Variants in USP42 observed in about 807,000 individuals in gnomAD.
The protein encoded by USP42 is ubiquitin carboxyl-terminal hydrolase 42.
USP42 carries 23 observed loss-of-function variants against 113.0 expected under a neutral mutation model. The ratio of observed to expected loss-of-function variants is 0.20; its 90% CI spans 0.15 to 0.29. The LOEUF (loss-of-function observed/expected upper bound fraction) is 0.29. Ranked by LOEUF, USP42 falls within the 10% of genes least tolerant of loss-of-function variation. USP42 has a pLI of 1.00. For synonymous variants in USP42, 933 were observed against 699.0 expected, an observed-to-expected ratio of 1.33 and a Z score of -5.28; for missense variants, 2,174 against 1,779.8, an observed-to-expected ratio of 1.22 and a Z score of -3.99.
At position 6,141,343 on chromosome 7, in the gene USP42, TA is replaced by T. The variant is rs1453783810; in HGVS notation, c.795+360del. Among the ~76,000 whole-genome samples the T allele has an allele frequency of 2.7e-5, 4 of 150,548 alleles. No homozygotes were observed. In the East Asian group the frequency reaches 7.9e-4, roughly 30 times the overall value. ...TCAGCCTCCCGAGTAGGTGGGACTATAGGTGCATGTGCCACCATGCCCAGCT... is the reference window on the plus strand; with the variant it reads ...TCAGCCTCCCGAGTAGGTGGGACTATGGTGCATGTGCCACCATGCCCAGCT... On this transcript the variant is annotated intron_variant, in intron 7 of 17. Coordinates refer to ENST00000306177, the MANE Select transcript of USP42 (RefSeq NM_032172.3).
chr7:6,092,037 TC>T, the USP42 span, among the ~76,000 whole-genome samples: 25 of 112,140 alleles, frequency 2.2e-4, no homozygotes, highest in South Asian at 2.9e-4. Context: ...TTCTTCTTCT[TC>T]TTCTTCTTCT....
intron 1 of USP42, among the ~76,000 whole-genome samples, chr7:6,108,418 G>A (rs1270706779): frequency 1.3e-5 from 2 of 152,110 alleles, no homozygotes; most frequent in Admixed American, 1.3e-4. Context: ...AGCCAGTTTG[G>A]AAAGTACATG....
At chr7:6,128,527 T>A (rs772518846) in intron 3 of USP42, among the ~76,000 whole-genome samples, 3 of 152,198 alleles carry the variant, frequency 2.0e-5, no homozygotes, top group Non-Finnish European at 4.4e-5. Flanking sequence ...GAAGTGAGTT[T>A]TTCTGTAAAC....
chr7:6,145,923 A>G (rs1471978248), intron 10 of USP42, among the ~76,000 whole-genome samples: 1 of 152,044 alleles, frequency 6.6e-6, no homozygotes, highest in African/African-American at 2.4e-5. Context: ...TACAAAAATT[A>G]TCTGCGTGTG....
At chr7:6,105,301 C>T (rs1449755804) in intron 1 of USP42, among the ~76,000 whole-genome samples, 5 of 147,178 alleles carry the variant, frequency 3.4e-5, no homozygotes, top group East Asian at 3.9e-4. Context: ...AGCCGGGCTG[C>T]GCGGCGAGGC....
chr7:6,096,264 G>A, the USP42 span, among the ~76,000 whole-genome samples: 1 of 151,302 alleles, frequency 6.6e-6, no homozygotes, highest in Non-Finnish European at 1.5e-5. Context: ...CTTGAGGCCA[G>A]CAGTTCGAGA....
At position 6,156,784 on chromosome 7, in the gene USP42, G is replaced by A. The variant is rs748443022; in HGVS notation, c.3672G>A (p.Ala1224=). The change falls in exon 16 of 18, where the codon GCG becomes GCA. Residue 1224 remains alanine (A), a synonymous_variant. Transcript: ENST00000306177. ...RHQQDSDLSA[A]CSDADLHRHK... ...AGCAGGACTCAGACCTCTCAGCAGCGTGCTCTGACGCTGACCTCCACAGAC... is the reference window on the plus strand; with the variant it reads ...AGCAGGACTCAGACCTCTCAGCAGCATGCTCTGACGCTGACCTCCACAGAC... The A allele has an allele frequency of 7.6e-6, 12 of 1,582,390 alleles. No homozygotes were observed. Among genetic ancestry groups the A allele is most frequent in the East Asian group, 4.5e-5 (2 of 44,750 alleles).
At chr7:6,122,900 C>T (rs946391632) in intron 3 of USP42, among the ~76,000 whole-genome samples, 3 of 151,022 alleles carry the variant, frequency 2.0e-5, no homozygotes, top group Admixed American at 6.6e-5. Context: ...CTTGGTTCGC[C>T]GCAGCCTCCA....
intron 12 of USP42, 71 bp downstream of exon 12, chr7:6,147,963 A>G: frequency 6.9e-7 from 1 of 1,457,812 alleles, no homozygotes; most frequent in Non-Finnish European, 9.4e-7. Flanking sequence ...CTCAAGTTGA[A>G]TTGTAGTGGT....
chr7:6,103,503 G>C (rs935122595), upstream of USP42, among the ~76,000 whole-genome samples: 4 of 144,450 alleles, frequency 2.8e-5, no homozygotes, highest in South Asian at 2.2e-4. Context: ...GGCCATAAGA[G>C]CAAACTCCGT....
chr7:6,086,531 G>T, the USP42 span, among the ~76,000 whole-genome samples: 1 of 150,756 alleles, frequency 6.6e-6, no homozygotes, highest in Non-Finnish European at 1.5e-5. Flanking sequence ...TGTATTTTTA[G>T]TAGAGACTAG....
At position 6,111,262 on chromosome 7, in the gene USP42, A is replaced by G; in HGVS notation, c.129A>G (p.Ser43=). 1 of 1,608,468 alleles carries G rather than the reference A, an allele frequency of 6.2e-7. No individual in the cohort carries two copies. The highest frequency in any genetic ancestry group is 8.5e-7 in the Non-Finnish European group (1 of 1,177,174). The change falls in exon 2 of 18, where the codon TCA becomes TCG. Residue 43 remains serine (S), a synonymous_variant. Transcript: ENST00000306177. ...AGSASWGAVS[S]LNDVSNHTLS... ...CTGCCAGCTGGGGTGCTGTGTCTTC[A>G]TTGAATGATGTGTCAAATCACACAC... is the stretch of plus-strand genomic sequence containing the variant.
At chr7:6,098,150 AC>A in the USP42 span, among the ~76,000 whole-genome samples, 7 of 129,610 alleles carry the variant, frequency 5.4e-5, no homozygotes, top group African/African-American at 2.1e-4. Flanking sequence ...TGATCCTTCC[AC>A]CTTGGCCTCC....
At chr7:6,082,244 T>G in the USP42 span, among the ~76,000 whole-genome samples, 2 of 151,834 alleles carry the variant, frequency 1.3e-5, no homozygotes, top group Non-Finnish European at 2.9e-5. Context: ...TTCTCCTGCC[T>G]CAGCCTCCCG....
chr7:6,135,651 CAA>C (rs1173165919), intron 3 of USP42, among the ~76,000 whole-genome samples, 188 bp from the exon 4 acceptor site: 2 of 16,156 alleles, frequency 1.2e-4, no homozygotes, highest in African/African-American at 1.8e-4. Flanking sequence ...GACTCCATCT[CAA>C]AAAAAAAAAA....
the USP42 span, among the ~76,000 whole-genome samples, chr7:6,082,221 C>T: frequency 6.6e-6 from 1 of 151,748 alleles, no homozygotes; most frequent in African/African-American, 2.4e-5. Flanking sequence ...CTCGGCCTCC[C>T]GGGTTCACGC....
At chr7:6,149,524 T>G in intron 12 of USP42, 59 bp from the exon 13 acceptor site, 1 of 1,532,978 alleles carries the variant, frequency 6.5e-7, no homozygotes, top group Non-Finnish European at 8.7e-7. Flanking sequence ...CCAAAATGGG[T>G]TCTGTTTGTG....
intron 7 of USP42, among the ~76,000 whole-genome samples, chr7:6,142,485 G>A (rs1353532854): frequency 6.6e-6 from 1 of 151,956 alleles, no homozygotes; most frequent in African/African-American, 2.4e-5. Context: ...CAACGTGCTG[G>A]GATTACAGGC....
Position 6,139,428 on chromosome 7 carries a change from A to G in USP42, c.656+234A>G, listed in dbSNP as rs141341477. 7.5e-5 allele frequency: 30 copies of G among 400,716 alleles called. No individual in the cohort carries two copies. Among genetic ancestry groups the G allele is most frequent in the African/African-American group, 5.4e-4 (26 of 48,044 alleles). 24.8% of individuals were successfully genotyped at this position (400,716 alleles called of 1,614,324 possible). Reference sequence around the variant, plus strand: ...TTGGCTCAATCATAGATGTCAGGAAATAAACATTGGTCTTGCAGCTATTTA... The same window carrying G: ...TTGGCTCAATCATAGATGTCAGGAAGTAAACATTGGTCTTGCAGCTATTTA... On this transcript the variant is annotated intron_variant, in intron 5 of 17. Transcript: ENST00000306177. The surrounding 1 kb of genome is among the most constrained non-coding windows in gnomAD (Gnocchi z 4.5).
Sources: gnomAD v4.1 joint callset for allele counts (sites outside exome capture counted in the v4.1 genomes callset) on GRCh38, gnomAD v4.1.1 for gene constraint, Gnocchi (gnomAD v3.1) non-coding constraint, MANE v1.5 for transcripts, NCBI Gene and HGNC (gene_info 2026-07-23, HGNC 2026-07-21) for gene names.